EPHA6: variants seen among roughly 807,000 people sequenced by gnomAD.
The protein encoded by EPHA6 is EPH receptor A6.
EPHA6 carries 50 observed loss-of-function variants against 112.0 expected under a neutral mutation model. The observed-to-expected ratio is 0.45, with a 90% CI of 0.36 to 0.56. The LOEUF is 0.56. Ranked by LOEUF, EPHA6 falls within the 20% of genes least tolerant of loss-of-function variation. The pLI is 0.00. For missense variants in EPHA6, 1,280 were observed against 1,417.4 expected, an observed-to-expected ratio of 0.90 and a Z score of 1.56; for synonymous variants, 529 against 490.7, an observed-to-expected ratio of 1.08 and a Z score of -1.03.
chr3:97,170,266 A>T (rs7626046), intron 3 of EPHA6, among the ~76,000 whole-genome samples: 10,312 of 152,186 alleles, frequency 0.068, 624 homozygotes, highest in Admixed American at 0.21. Flanking sequence ...AATTGTTACT[A>T]TTAGTGCAAC....
chr3:97,442,127 T>A (rs1027785158), intron 6 of EPHA6, among the ~76,000 whole-genome samples: 16 of 152,180 alleles, frequency 1.1e-4, no homozygotes, highest in African/African-American at 3.6e-4. Context: ...TTTTTATGAC[T>A]ATAAGCTCTT....
At chr3:97,544,836 A>G (rs1223108076) in intron 11 of EPHA6, among the ~76,000 whole-genome samples, 1 of 152,294 alleles carries the variant, frequency 6.6e-6, no homozygotes, top group East Asian at 1.9e-4. Context: ...GTATGTGTCG[A>G]GGAATTTATC....
chr3:97,048,254 A>G (rs2045576026), intron 3 of EPHA6, among the ~76,000 whole-genome samples: 1 of 152,224 alleles, frequency 6.6e-6, no homozygotes, highest in Non-Finnish European at 1.5e-5. Context: ...AGAATAATTC[A>G]CTAAGAATAT....
At chr3:97,257,878 C>A (rs1559832785) in intron 5 of EPHA6, among the ~76,000 whole-genome samples, 1 of 151,818 alleles carries the variant, frequency 6.6e-6, no homozygotes. Context: ...GGATTAGAAA[C>A]CCTATATATA....
At chr3:97,431,131 CTA>C (rs1427646464) in intron 6 of EPHA6, among the ~76,000 whole-genome samples, 4 of 152,058 alleles carry the variant, frequency 2.6e-5, no homozygotes, top group East Asian at 3.9e-4. Context: ...ATTTTTTACA[CTA>C]TGTGAGATTG....
intron 15 of EPHA6, among the ~76,000 whole-genome samples, chr3:97,721,735 G>T (rs2034538716): frequency 6.6e-6 from 1 of 152,168 alleles, no homozygotes. Context: ...CTATTCATCA[G>T]GGAATCATAT....
chr3:97,244,376 C>T lies in EPHA6; in HGVS notation c.1606+89C>T, dbSNP rs562370981. ...CATGGGCATGTATTTATTGCAGGTG[C>T]TATGCAGTCATATACGTTATACACT... On this transcript the variant is annotated intron_variant, in intron 5 of 17. Coordinates refer to ENST00000389672, the MANE Select transcript of EPHA6 (RefSeq NM_001080448.3). The T allele has an allele frequency of 2.2e-5, 25 of 1,137,212 alleles. 1 individual carries two copies. In the South Asian group the frequency reaches 3.1e-4, roughly 14 times the overall value. 70.4% of individuals were successfully genotyped at this position (1,137,212 alleles called of 1,614,324 possible). A position where few individuals can be genotyped will look rare whatever the true frequency, so the allele number is the denominator to read the frequency against.
intron 14 of EPHA6, among the ~76,000 whole-genome samples, chr3:97,688,861 A>G (rs1576291550): frequency 6.6e-6 from 1 of 152,222 alleles, no homozygotes; most frequent in South Asian, 2.1e-4. Context: ...TCATTAAAAA[A>G]GTAAAGCCCC....
Position 97,722,233 on chromosome 3 carries a change from G to A in EPHA6, c.2934+1823G>A, listed in dbSNP as rs533946167. On this transcript the variant is annotated intron_variant, in intron 15 of 17. Transcript: ENST00000389672. ...TCTTGAGCATCCATAGATGGCATATGTATATTTATTTGCAGATTATATACA... is the reference window on the plus strand; with the variant it reads ...TCTTGAGCATCCATAGATGGCATATATATATTTATTTGCAGATTATATACA... Among the ~76,000 whole-genome samples the A allele has an allele frequency of 1.6e-4, 25 of 152,192 alleles. No homozygotes were observed. In the South Asian group the frequency reaches 1.9e-3, roughly 11 times the overall value.
chr3:97,600,893 G>GA (rs1307751123), intron 12 of EPHA6, among the ~76,000 whole-genome samples: 2 of 151,398 alleles, frequency 1.3e-5, no homozygotes, highest in Non-Finnish European at 1.5e-5. Flanking sequence ...AGAAAGACAT[G>GA]AAAAATCTTA....
intron 5 of EPHA6, among the ~76,000 whole-genome samples, chr3:97,379,740 C>T (rs2085605326): frequency 9.5e-6 from 1 of 104,950 alleles, no homozygotes; most frequent in African/African-American, 4.4e-5. Context: ...GAGGGTGAGA[C>T]TCTGTCTCCC....
intron 3 of EPHA6, among the ~76,000 whole-genome samples, chr3:97,078,708 T>A (rs112634926): frequency 6.6e-6 from 1 of 152,154 alleles, no homozygotes; most frequent in South Asian, 2.1e-4. Context: ...TGGTTGTAGA[T>A]GTGTGGTGTT....
intron 5 of EPHA6, among the ~76,000 whole-genome samples, chr3:97,257,269 GT>G (rs985162675): frequency 1.5e-3 from 221 of 151,864 alleles, no homozygotes; most frequent in African/African-American, 5.1e-3. Context: ...CAAAAAACAT[GT>G]GGCTTTAATG....
At chr3:97,301,119 C>T (rs1280710452) in intron 5 of EPHA6, among the ~76,000 whole-genome samples, 2 of 152,102 alleles carry the variant, frequency 1.3e-5, no homozygotes, top group Non-Finnish European at 2.9e-5. Flanking sequence ...GCAATGATCA[C>T]TTGTGTATCT....
intron 6 of EPHA6, among the ~76,000 whole-genome samples, chr3:97,445,075 T>A (rs1471689309): frequency 6.6e-6 from 1 of 151,464 alleles, no homozygotes; most frequent in South Asian, 2.1e-4. Context: ...TTCCAAACTA[T>A]TTTTTTTTAA....
chr3:97,500,932 G>A (rs1413315769), intron 10 of EPHA6, among the ~76,000 whole-genome samples: 2 of 152,088 alleles, frequency 1.3e-5, no homozygotes, highest in South Asian at 2.1e-4. Context: ...ACAACAAATA[G>A]CAATTTTTTT....
At chr3:96,963,706 C>T (rs2042025631) in intron 2 of EPHA6, among the ~76,000 whole-genome samples, 1 of 152,052 alleles carries the variant, frequency 6.6e-6, no homozygotes, top group African/African-American at 2.4e-5. Flanking sequence ...ACAGATATGC[C>T]AGAATACAAA....
chr3:97,429,463 TAAGG>T (rs1445569104), intron 6 of EPHA6, among the ~76,000 whole-genome samples: 1 of 152,176 alleles, frequency 6.6e-6, no homozygotes, highest in Non-Finnish European at 1.5e-5. Context: ...GCAAGTACTC[TAAGG>T]AAGAAAAAAT....
chr3:96,829,949 G>GCGCGCGCGCGCGCGCGCA (rs373416797), intron 1 of EPHA6, among the ~76,000 whole-genome samples: 6 of 136,034 alleles, frequency 4.4e-5, no homozygotes, highest in African/African-American at 1.8e-4. Context: ...GCGCGCGCGC[G>GCGCGCGCGCGCGCGCGCA]CACACACACA....
Sources: allele counts gnomAD v4.1 joint callset (sites outside exome capture counted in the v4.1 genomes callset), GRCh38; gene constraint gnomAD v4.1.1; transcripts MANE v1.5; gene names NCBI Gene and HGNC (gene_info 2026-07-23, HGNC 2026-07-21).